Variants in CLVS1 observed in about 807,000 individuals in gnomAD.
CLVS1 encodes clavesin 1.
CLVS1 carries 10 observed loss-of-function variants against 33.1 expected under a neutral mutation model. That is an observed-to-expected ratio of 0.30 (90% confidence interval 0.19 to 0.51). CLVS1 has a LOEUF of 0.51. CLVS1 is among the 20% of genes least tolerant of loss of function. CLVS1 has a pLI of 0.97. For missense variants in CLVS1, 343 were observed against 433.4 expected (o/e 0.79, Z 1.85); for synonymous variants, 163 against 166.1 (o/e 0.98, Z 0.14).
At position 61,387,735 on chromosome 8, in the gene CLVS1, C is replaced by T. The variant is rs111638945; in HGVS notation, c.630+10956C>T. ...ATGAGTGAGAGCATACGATGTTTGG[C>T]TTTCCATTCCTGAGTTAGTTCACTT... On this transcript the variant is annotated intron_variant, in intron 3 of 5. Coordinates refer to ENST00000325897, the MANE Select transcript of CLVS1 (RefSeq NM_173519.3). Among the ~76,000 whole-genome samples, 358 of 152,258 alleles carry T rather than the reference C, an allele frequency of 2.4e-3. 1 individual carries two copies. The highest frequency in any genetic ancestry group is 8.5e-3 in the African/African-American group (352 of 41,562).
intron 2 of CLVS1, among the ~76,000 whole-genome samples, chr8:61,362,256 G>A (rs189379200): frequency 6.6e-6 from 1 of 152,204 alleles, no homozygotes; most frequent in Non-Finnish European, 1.5e-5. Context: ...AGATGAGAAA[G>A]AGTCAGCCCA....
At chr8:61,275,914 A>T (rs1476102435) in intron 2 of CLVS1, among the ~76,000 whole-genome samples, 2 of 152,200 alleles carry the variant, frequency 1.3e-5, no homozygotes, top group African/African-American at 2.4e-5. Context: ...ACAGGACTTC[A>T]TTTTAAGAAG....
chr8:61,224,777 T>C (rs1284045517), intron 2 of CLVS1, among the ~76,000 whole-genome samples: 2 of 152,238 alleles, frequency 1.3e-5, no homozygotes, highest in East Asian at 1.9e-4. Flanking sequence ...GGTAAAGGAA[T>C]CGATTCAACA....
chr8:61,202,839 TGATGATGATGATGAAGAA>T (rs1474068514), intron 2 of CLVS1: 14 of 952,504 alleles, frequency 1.5e-5, no homozygotes, highest in Non-Finnish European at 1.8e-5. Context: ...CTGATGAAGA[TGATGATGATGATGAAGAA>T]GATGATGATG....
intron 3 of CLVS1, among the ~76,000 whole-genome samples, chr8:61,397,298 T>C (rs905577403): frequency 6.6e-6 from 1 of 152,146 alleles, no homozygotes; most frequent in East Asian, 1.9e-4. Flanking sequence ...TCCTAATGAC[T>C]AATGATATTG....
At chr8:61,103,904 A>G (rs893087033) in intron 1 of CLVS1, among the ~76,000 whole-genome samples, 5 of 152,228 alleles carry the variant, frequency 3.3e-5, no homozygotes, top group African/African-American at 1.2e-4. Flanking sequence ...TAAAGAATAG[A>G]TTCTAATGTA....
intron 1 of CLVS1, among the ~76,000 whole-genome samples, chr8:61,098,197 G>C (rs549888390): frequency 6.6e-6 from 1 of 152,146 alleles, no homozygotes; most frequent in African/African-American, 2.4e-5. Flanking sequence ...GCAAGGGAGA[G>C]AGAGCGCAGA....
intron 2 of CLVS1, among the ~76,000 whole-genome samples, chr8:61,182,217 C>T (rs1342926963): frequency 6.6e-6 from 1 of 152,104 alleles, no homozygotes; most frequent in Non-Finnish European, 1.5e-5. Context: ...AAACCCAAAA[C>T]CATAAAAACC....
chr8:61,049,919 AT>A, the CLVS1 span, among the ~76,000 whole-genome samples: 1 of 152,254 alleles, frequency 6.6e-6, no homozygotes, highest in Non-Finnish European at 1.5e-5. Flanking sequence ...GCAATCCTGT[AT>A]TATTCTGTGA....
At chr8:61,106,518 G>A (rs1434841087) in intron 1 of CLVS1, among the ~76,000 whole-genome samples, 1 of 152,216 alleles carries the variant, frequency 6.6e-6, no homozygotes. Flanking sequence ...TAAGGTGTAG[G>A]AGGATTAGAG....
At chr8:61,032,957 G>C in the CLVS1 span, among the ~76,000 whole-genome samples, 2 of 106,044 alleles carry the variant, frequency 1.9e-5, no homozygotes, top group East Asian at 5.0e-4. Context: ...CCTGTCAAAA[G>C]AAACAAGGAA....
At chr8:61,366,986 C>T (rs1813236190) in intron 2 of CLVS1, among the ~76,000 whole-genome samples, 1 of 152,112 alleles carries the variant, frequency 6.6e-6, no homozygotes, top group Admixed American at 6.6e-5. Context: ...GCACCTCTGA[C>T]TCACCTCCTA....
intron 2 of CLVS1, among the ~76,000 whole-genome samples, chr8:61,268,623 A>G (rs1809363594): frequency 7.6e-6 from 1 of 131,534 alleles, no homozygotes; most frequent in Non-Finnish European, 1.6e-5. Context: ...ACTAGTTTAC[A>G]GTCCCACCAA....
At chr8:61,410,313 C>T (rs1463603297) in intron 3 of CLVS1, among the ~76,000 whole-genome samples, 1 of 151,960 alleles carries the variant, frequency 6.6e-6, no homozygotes, top group Non-Finnish European at 1.5e-5. Flanking sequence ...TTTATTTTCC[C>T]CCTTCTGATT....
chr8:61,168,356 C>T (rs892466223), intron 2 of CLVS1, among the ~76,000 whole-genome samples: 15 of 152,280 alleles, frequency 9.9e-5, no homozygotes, highest in African/African-American at 3.6e-4. Context: ...AAAATTCCAA[C>T]AAAGCAGACT....
intron 3 of CLVS1, among the ~76,000 whole-genome samples, chr8:61,401,650 T>G (rs911977463): frequency 6.6e-6 from 1 of 152,290 alleles, no homozygotes; most frequent in African/African-American, 2.4e-5. Context: ...ATTTATAGAT[T>G]CAATACTATT....
chr8:60,973,702 C>T, the CLVS1 span, among the ~76,000 whole-genome samples: 1 of 152,300 alleles, frequency 6.6e-6, no homozygotes, highest in Admixed American at 6.5e-5. Flanking sequence ...TGTCTTGCAT[C>T]CCTTTTCCCA....
At chr8:61,091,022 A>G (rs957217357) in intron 1 of CLVS1, 1 of 452,896 alleles carries the variant, frequency 2.2e-6, no homozygotes, top group African/African-American at 2.0e-5. Context: ...CCTAATCCCC[A>G]GAACCTGTGC....
chr8:61,427,463 G>T (rs1271432220), intron 3 of CLVS1, among the ~76,000 whole-genome samples: 1 of 152,196 alleles, frequency 6.6e-6, no homozygotes, highest in Non-Finnish European at 1.5e-5. Flanking sequence ...TGAGAGGATG[G>T]GGAGGGGAAA....
Sources: allele counts gnomAD v4.1 joint callset (sites outside exome capture counted in the v4.1 genomes callset), GRCh38; gene constraint gnomAD v4.1.1; transcripts MANE v1.5; gene names NCBI Gene and HGNC (gene_info 2026-07-23, HGNC 2026-07-21).